The following AKAP7 variants were observed in gnomAD, a reference collection of about 807,000 sequenced individuals.
The protein encoded by AKAP7 is A kinase (PRKA) anchor protein 7.
In AKAP7, 39 loss-of-function variants were observed where a neutral mutation model predicts 39.5. The observed-to-expected ratio is 0.99, with a 90% CI of 0.76 to 1.29. The LOEUF is 1.29. Among genes scored for constraint, AKAP7 ranks in the 50% most tolerant of loss-of-function variants. AKAP7 has a pLI of 0.00. For synonymous variants in AKAP7, 140 were observed against 139.1 expected (o/e 1.01, Z -0.05); for missense variants, 414 against 407.7 (o/e 1.02, Z -0.13).
At chr6:131,265,430 TC>T (rs1813704478) in intron 7 of AKAP7, among the ~76,000 whole-genome samples, 1 of 152,136 alleles carries the variant, frequency 6.6e-6, no homozygotes, top group African/African-American at 2.4e-5. Flanking sequence ...TATATGATTT[TC>T]TTACTTAATT....
intron 5 of AKAP7, chr6:131,184,881 C>A: frequency 8.0e-7 from 1 of 1,245,898 alleles, no homozygotes; most frequent in Non-Finnish European, 1.2e-6. Context: ...AGGGCTTATC[C>A]TGGTCCTCCA....
upstream of AKAP7, among the ~76,000 whole-genome samples, chr6:131,133,971 G>GTTGTTTGT (rs537199111): frequency 6.6e-6 from 1 of 152,108 alleles, no homozygotes; most frequent in African/African-American, 2.4e-5. Flanking sequence ...GTAAAGCTTT[G>GTTGTTTGT]TTGTTTGTTT....
At chr6:131,276,834 A>G (rs1432920480) in intron 7 of AKAP7, among the ~76,000 whole-genome samples, 2 of 152,152 alleles carry the variant, frequency 1.3e-5, no homozygotes, top group African/African-American at 2.4e-5. Flanking sequence ...TTCAGGACAA[A>G]TAGGCACCTA....
At chr6:131,222,666 GT>G (rs1809810850) in intron 7 of AKAP7, among the ~76,000 whole-genome samples, 1 of 152,140 alleles carries the variant, frequency 6.6e-6, no homozygotes, top group Non-Finnish European at 1.5e-5. Flanking sequence ...AAAATAAGTG[GT>G]TTCTTGAGAT....
chr6:131,220,932 A>C (rs1349363997), intron 7 of AKAP7, among the ~76,000 whole-genome samples: 1 of 152,174 alleles, frequency 6.6e-6, no homozygotes, highest in Non-Finnish European at 1.5e-5. Flanking sequence ...ACAGCCATTC[A>C]TTCCCCTGTG....
At chr6:131,153,589 C>G (rs1221778229) in intron 2 of AKAP7, among the ~76,000 whole-genome samples, 1 of 151,740 alleles carries the variant, frequency 6.6e-6, no homozygotes, top group East Asian at 1.9e-4. Context: ...AAATAAGTTG[C>G]TACAGATGGG....
intron 1 of AKAP7, among the ~76,000 whole-genome samples, chr6:131,136,188 C>T (rs553837013): frequency 1.3e-5 from 2 of 152,270 alleles, no homozygotes; most frequent in African/African-American, 2.4e-5. Flanking sequence ...ATATTAAGCA[C>T]CCGAACCACC....
intron 7 of AKAP7, among the ~76,000 whole-genome samples, chr6:131,274,301 G>A (rs892791385): frequency 6.6e-6 from 1 of 152,012 alleles, no homozygotes; most frequent in Non-Finnish European, 1.5e-5. Flanking sequence ...TGTAGTTTTT[G>A]TGGAATTTCA....
At chr6:131,163,794 G>A (rs959219560) in intron 3 of AKAP7, among the ~76,000 whole-genome samples, 1 of 152,050 alleles carries the variant, frequency 6.6e-6, no homozygotes, top group African/African-American at 2.4e-5. Context: ...TTTGATGGGG[G>A]TACAGTAAAT....
chr6:131,199,577 A>T lies in AKAP7; in HGVS notation c.702+4A>T. The T allele has an allele frequency of 6.3e-7, 1 of 1,580,010 alleles. No homozygotes were observed. The highest frequency in any genetic ancestry group is 8.7e-7 in the Non-Finnish European group (1 of 1,149,108). ...ATCACCGTGGCTCCGTAAGAATGTG[A>T]GTGCATGTTCTTATTGCAAGCCTGT... On this transcript the variant is annotated splice_donor_region_variant and intron_variant, in intron 6 of 7. Coordinates refer to ENST00000431975, the MANE Select transcript of AKAP7 (RefSeq NM_016377.4).
the AKAP7 span, among the ~76,000 whole-genome samples, chr6:131,129,788 C>T: frequency 6.6e-6 from 1 of 152,194 alleles, no homozygotes; most frequent in South Asian, 2.1e-4. Flanking sequence ...CCCCGAGTTA[C>T]CTTGGGTCAC....
chr6:131,213,427 G>T (rs1042582391), intron 6 of AKAP7, among the ~76,000 whole-genome samples: 2 of 152,226 alleles, frequency 1.3e-5, no homozygotes, highest in Non-Finnish European at 1.5e-5. Flanking sequence ...GTATGTGGGA[G>T]ATTGTTTTAT....
intron 7 of AKAP7, among the ~76,000 whole-genome samples, chr6:131,221,009 A>T (rs1158510579): frequency 6.6e-6 from 1 of 152,214 alleles, no homozygotes; most frequent in African/African-American, 2.4e-5. Context: ...CATGCAAGAA[A>T]AAAAAAGCTA....
Position 131,216,968 on chromosome 6 carries a change from C to T in AKAP7, c.703-2693C>T, listed in dbSNP as rs185529970. Among the ~76,000 whole-genome samples the T allele has an allele frequency of 3.3e-5, 5 of 152,230 alleles. No homozygotes were observed. The East Asian group carries it at 9.6e-4, about 29-fold the overall frequency. Reference sequence around the variant, plus strand: ...CATGTGAAATAATCCTAACTCTTAGCCTTTATAGATCAAATTTAACAATTT... The same window carrying T: ...CATGTGAAATAATCCTAACTCTTAGTCTTTATAGATCAAATTTAACAATTT... On this transcript the variant is annotated intron_variant, in intron 6 of 7. Transcript: ENST00000431975.
chr6:131,268,012 GGAA>G (rs1164460062), intron 7 of AKAP7, among the ~76,000 whole-genome samples: 5 of 152,150 alleles, frequency 3.3e-5, no homozygotes, highest in African/African-American at 1.2e-4. Context: ...AGGAAGGAAG[GGAA>G]GAAGGGAGAA....
Position 131,281,565 on chromosome 6 carries a change from C to G in AKAP7, c.886C>G (p.Leu296Val), listed in dbSNP as rs995919610. The G allele has an allele frequency of 1.2e-6, 2 of 1,611,958 alleles. No homozygotes were observed. Among genetic ancestry groups the G allele is most frequent in the Non-Finnish European group, 1.7e-6 (2 of 1,178,976 alleles). Residue 296 changes from leucine (L) to valine (V), a missense_variant, in exon 8 of 8, where the codon CTA becomes GTA. Transcript: ENST00000431975. The surrounding 1 kb of genome is among the most constrained non-coding windows in gnomAD (Gnocchi z 4.0). Reference sequence around the variant, plus strand: ...CGGAGGGGAGCCCGATGACGCTGAACTAGTAAGGCTCAGTAAGAGGCTGGT... The same window carrying G: ...CGGAGGGGAGCCCGATGACGCTGAAGTAGTAAGGCTCAGTAAGAGGCTGGT... ...KNGGEPDDAELVRLSKRLVEN... is the reference protein window; with the variant it reads ...KNGGEPDDAEVVRLSKRLVEN...
intron 7 of AKAP7, among the ~76,000 whole-genome samples, chr6:131,280,650 C>G (rs550531058): frequency 6.6e-6 from 1 of 152,148 alleles, no homozygotes; most frequent in Non-Finnish European, 1.5e-5. Flanking sequence ...TCCTGGGTCC[C>G]CAGCTCGATG....
Position 131,135,661 on chromosome 6 carries a change from G to A in AKAP7, c.-103G>A, listed in dbSNP as rs1800469709. The A allele has an allele frequency of 4.9e-6, 5 of 1,014,974 alleles. No individual in the cohort carries two copies. In the South Asian group the frequency reaches 2.3e-4, roughly 46 times the overall value. 62.9% of individuals were successfully genotyped at this position (1,014,974 alleles called of 1,614,324 possible). ...CCAGCGCACCGCCCTCAGGCCCCGA[G>A]CCCCGCCCTGGCCTCCGCCTCGGCC... On this transcript the variant is annotated 5_prime_UTR_variant, in exon 1 of 8. Transcript: ENST00000431975.
chr6:131,139,915 CAT>C (rs1183098380), intron 1 of AKAP7, among the ~76,000 whole-genome samples: 1 of 152,202 alleles, frequency 6.6e-6, no homozygotes, highest in African/African-American at 2.4e-5. Context: ...ACATGTATAA[CAT>C]AAAGTATACA....
Sources: allele counts gnomAD v4.1 joint callset (sites outside exome capture counted in the v4.1 genomes callset), GRCh38; gene constraint gnomAD v4.1.1; non-coding constraint Gnocchi (gnomAD v3.1); transcripts MANE v1.5; gene names NCBI Gene and HGNC (gene_info 2026-07-23, HGNC 2026-07-21).